Variants in CATSPERB observed in about 807,000 individuals in gnomAD.
The protein encoded by CATSPERB is catsper channel auxiliary subunit beta.
A neutral mutation model predicts 128.3 loss-of-function variants in CATSPERB; 93 were observed. The observed-to-expected ratio is 0.72, with a 90% CI of 0.61 to 0.86. The LOEUF (loss-of-function observed/expected upper bound fraction) is 0.86. CATSPERB is among the 40% of genes least tolerant of loss of function. The pLI is 0.00. For missense variants in CATSPERB, 1,153 were observed against 1,329.5 expected, an observed-to-expected ratio of 0.87 and a Z score of 2.06; for synonymous variants, 381 against 448.8, an observed-to-expected ratio of 0.85 and a Z score of 1.91.
Position 91,639,195 on chromosome 14 carries a change from G to A in CATSPERB, c.1488C>T (p.Tyr496=). ...TATGTAGGAATCCCAAGTGATCATA[G>A]TATAATGTGAAAATTCTCTCAGTAA... ...GSVTERIFTL[Y]YDHLGFLHKL... is the part of the protein sequence containing the mutation. The change falls in exon 16 of 27, where the codon TAC becomes TAT. Residue 496 remains tyrosine, a synonymous_variant. Transcript: ENST00000256343. The A allele has an allele frequency of 1.9e-6, 3 of 1,613,812 alleles. No individual in the cohort carries two copies. The highest frequency in any genetic ancestry group is 2.5e-6 in the Non-Finnish European group (3 of 1,179,778).
At chr14:91,615,939 G>A (rs1481542897) in intron 20 of CATSPERB, among the ~76,000 whole-genome samples, 1 of 150,968 alleles carries the variant, frequency 6.6e-6, no homozygotes, top group Non-Finnish European at 1.5e-5. Flanking sequence ...GAGTGCAGTG[G>A]TGTGATCTCG....
chr14:91,670,638 C>T (rs754004511), intron 13 of CATSPERB, among the ~76,000 whole-genome samples: 3 of 151,848 alleles, frequency 2.0e-5, no homozygotes, highest in Non-Finnish European at 4.4e-5. Context: ...TATGATCACA[C>T]CACTGCACTC....
chr14:91,708,280 G>GCCC (rs760513111), intron 5 of CATSPERB, 44 bp from the exon 6 acceptor site: 3 of 1,258,996 alleles, frequency 2.4e-6, no homozygotes, highest in Non-Finnish European at 3.4e-6. Context: ...TTTTTCATAT[G>GCCC]TTGTGTTTGG....
chr14:91,687,815 C>T (rs1443021885), intron 10 of CATSPERB, among the ~76,000 whole-genome samples: 2 of 151,880 alleles, frequency 1.3e-5, no homozygotes, highest in African/African-American at 4.8e-5. Flanking sequence ...ATTAGCTGAG[C>T]GTGGTAGAAC....
intron 3 of CATSPERB, among the ~76,000 whole-genome samples, chr14:91,723,884 G>A (rs964651324): frequency 1.6e-4 from 24 of 152,146 alleles, no homozygotes; most frequent in African/African-American, 5.6e-4. Context: ...TTGTTGGATG[G>A]ATTGGTAGAG....
At chr14:91,721,204 C>T (rs1396707103) in intron 4 of CATSPERB, among the ~76,000 whole-genome samples, 1 of 152,002 alleles carries the variant, frequency 6.6e-6, no homozygotes, top group East Asian at 1.9e-4. Flanking sequence ...AAAGCACAAG[C>T]AACAAGAGAA....
chr14:91,612,012 TTTTCTTTC>T (rs71120177), intron 20 of CATSPERB, among the ~76,000 whole-genome samples: 6,394 of 132,988 alleles, frequency 0.048, 199 homozygotes, highest in Non-Finnish European at 0.067. Flanking sequence ...TTGTTTACTG[TTTTCTTTC>T]TTTCTTTCTT....
At chr14:91,672,783 C>G (rs1000199236) in intron 13 of CATSPERB, 84 bp downstream of exon 13, 51 of 1,140,434 alleles carry the variant, frequency 4.5e-5, no homozygotes, top group Non-Finnish European at 6.2e-5. Context: ...CCAGACATAA[C>G]AAGAACTTGA....
intron 22 of CATSPERB, among the ~76,000 whole-genome samples, chr14:91,593,368 C>T (rs1285638): frequency 0.69 from 105,430 of 152,124 alleles, 37,061 homozygotes; most frequent in East Asian, 0.96. Context: ...AACATCAGCC[C>T]GTGAAAGCAG....
At chr14:91,619,621 G>C (rs992588669) in intron 19 of CATSPERB, among the ~76,000 whole-genome samples, 1 of 148,000 alleles carries the variant, frequency 6.8e-6, no homozygotes, top group Non-Finnish European at 1.5e-5. Context: ...AGAGTTTTAT[G>C]CATACTCATT....
intron 26 of CATSPERB, among the ~76,000 whole-genome samples, chr14:91,582,719 A>C (rs1391278405): frequency 6.6e-6 from 1 of 152,106 alleles, no homozygotes; most frequent in Non-Finnish European, 1.5e-5. Context: ...TAAAGGCCCC[A>C]CTCAGCCACA....
chr14:91,619,724 C>G (rs181044552), intron 19 of CATSPERB, among the ~76,000 whole-genome samples: 1 of 152,070 alleles, frequency 6.6e-6, no homozygotes, highest in East Asian at 1.9e-4. Context: ...TGGGTCATTT[C>G]CTTACATAGT....
At chr14:91,640,044 C>G (rs145094978) in intron 15 of CATSPERB, among the ~76,000 whole-genome samples, 3 of 152,138 alleles carry the variant, frequency 2.0e-5, no homozygotes, top group African/African-American at 4.8e-5. Context: ...AGTGCTCTTC[C>G]CTGAAGTCTA....
At chr14:91,613,428 C>A (rs1893871411) in intron 20 of CATSPERB, among the ~76,000 whole-genome samples, 1 of 151,998 alleles carries the variant, frequency 6.6e-6, no homozygotes, top group African/African-American at 2.4e-5. Flanking sequence ...AGTGTATATA[C>A]CATGTGTCCT....
At chr14:91,725,274 T>C (rs1896102147) in intron 2 of CATSPERB, 106 bp from the exon 3 acceptor site, 1 of 475,898 alleles carries the variant, frequency 2.1e-6, no homozygotes, top group African/African-American at 2.0e-5. Context: ...ATAAGAATTA[T>C]AATTGCACAT....
At chr14:91,670,295 A>C (rs1391126888) in intron 13 of CATSPERB, among the ~76,000 whole-genome samples, 1 of 152,224 alleles carries the variant, frequency 6.6e-6, no homozygotes, top group Non-Finnish European at 1.5e-5. Context: ...CTATCATGCC[A>C]AAAGTGTGGA....
chr14:91,653,597 G>A (rs1894743582), intron 15 of CATSPERB, among the ~76,000 whole-genome samples: 2 of 152,190 alleles, frequency 1.3e-5, no homozygotes, highest in Admixed American at 6.5e-5. Flanking sequence ...CAGCAAGAGA[G>A]AAATGAGGAG....
At position 91,580,787 on chromosome 14, in the gene CATSPERB, T is replaced by C. The variant is rs1168454298; in HGVS notation, c.*102A>G. On this transcript the variant is annotated 3_prime_UTR_variant, in exon 27 of 27. Coordinates refer to ENST00000256343, the MANE Select transcript of CATSPERB (RefSeq NM_024764.4). ...GCAATTTGAATTATAATGACAATTC[T>C]TTAGGATTTTATGTAGCTTGCATAT... 2.3e-6 allele frequency: 2 copies of C among 866,156 alleles called. No individual in the cohort carries two copies. Among genetic ancestry groups the C allele is most frequent in the Middle Eastern group, 3.5e-4 (1 of 2,856 alleles). 53.7% of individuals were successfully genotyped at this position (866,156 alleles called of 1,614,324 possible). A position where few individuals can be genotyped will look rare whatever the true frequency, so the allele number is the denominator to read the frequency against.
rs1441999991 is a variant in CATSPERB at position 91,617,498 on chromosome 14, CAG to C, written c.2400+97_2400+98del. The C allele has an allele frequency of 1.2e-5, 10 of 809,774 alleles. No individual in the cohort carries two copies. In the East Asian group the frequency reaches 2.6e-4, roughly 21 times the overall value. The allele number at this position is 809,774 out of a possible 1,614,324, so 50.2% of individuals were successfully genotyped here. ...ATACTCTTATGTGTGTATTTATAAA[CAG>C]AGATGTTTAAAATGATGCTCATTAA... On this transcript the variant is annotated intron_variant, in intron 20 of 26. Coordinates refer to ENST00000256343, the MANE Select transcript of CATSPERB (RefSeq NM_024764.4).
Sources: allele counts gnomAD v4.1 joint callset (sites outside exome capture counted in the v4.1 genomes callset), GRCh38; gene constraint gnomAD v4.1.1; transcripts MANE v1.5; gene names NCBI Gene and HGNC (gene_info 2026-07-23, HGNC 2026-07-21).